Variants in RUNX1 observed in about 807,000 individuals in gnomAD.
RUNX1 encodes runt-related transcription factor 1.
Under a neutral mutation model 42.8 loss-of-function variants are expected in RUNX1, and 19 were observed. The observed-to-expected ratio is 0.44, with a 90% CI of 0.31 to 0.65. The LOEUF is 0.65. Ranked by LOEUF, RUNX1 falls within the 30% of genes least tolerant of loss-of-function variation. RUNX1 has a pLI of 0.07. For missense variants in RUNX1, 528 were observed against 672.0 expected, an observed-to-expected ratio of 0.79 and a Z score of 2.37; for synonymous variants, 271 against 289.4, an observed-to-expected ratio of 0.94 and a Z score of 0.64.
intron 6 of RUNX1, among the ~76,000 whole-genome samples, chr21:34,850,166 GC>G: frequency 6.6e-6 from 1 of 152,300 alleles, no homozygotes; most frequent in East Asian, 1.9e-4. Context: ...ATTTTAATGT[GC>G]TGGGATGCTG....
chr21:34,957,920 C>A (rs2058656320), intron 2 of RUNX1, among the ~76,000 whole-genome samples: 1 of 152,158 alleles, frequency 6.6e-6, no homozygotes, highest in African/African-American at 2.4e-5. Context: ...CAGTAGCCAA[C>A]CCTTTTGCCC....
intron 2 of RUNX1, among the ~76,000 whole-genome samples, chr21:35,042,909 G>C (rs2059369719): frequency 6.6e-6 from 1 of 152,166 alleles, no homozygotes; most frequent in Non-Finnish European, 1.5e-5. Context: ...TTCGGATTTA[G>C]TGTTTATTCC....
chr21:34,874,629 A>AAAAAAAC, intron 5 of RUNX1, among the ~76,000 whole-genome samples: 1 of 148,178 alleles, frequency 6.7e-6, no homozygotes. Flanking sequence ...AAAAAAAAAA[A>AAAAAAAC]AAAAAAGACA....
At chr21:34,911,558 C>T (rs1462344661) in intron 2 of RUNX1, among the ~76,000 whole-genome samples, 1 of 152,196 alleles carries the variant, frequency 6.6e-6, no homozygotes, top group African/African-American at 2.4e-5. Flanking sequence ...ATGTCTCCTC[C>T]CCACACTGCA....
chr21:34,816,877 C>T (rs144673382), intron 7 of RUNX1, among the ~76,000 whole-genome samples: 107 of 152,200 alleles, frequency 7.0e-4, no homozygotes, highest in African/African-American at 2.5e-3. Context: ...GAATGAGCTT[C>T]GGAAGAATGG....
At chr21:35,048,994 G>A in intron 1 of RUNX1, 36 bp from the exon 2 acceptor site, 1 of 1,005,266 alleles carries the variant, frequency 9.9e-7, no homozygotes. Context: ...CACTGTTTCA[G>A]CCTCACCCCT....
chr21:35,025,970 A>G (rs1316505252), intron 2 of RUNX1, among the ~76,000 whole-genome samples: 1 of 152,198 alleles, frequency 6.6e-6, no homozygotes, highest in Non-Finnish European at 1.5e-5. Context: ...GACAAGAAGA[A>G]TAATAAAAAA....
chr21:34,823,643 C>A (rs920092508), intron 7 of RUNX1, among the ~76,000 whole-genome samples: 18 of 152,114 alleles, frequency 1.2e-4, no homozygotes, highest in Admixed American at 1.2e-3. Context: ...GGGGTTTTGC[C>A]ATGTTGGCAG....
intron 7 of RUNX1, among the ~76,000 whole-genome samples, chr21:34,830,253 C>T (rs908769329): frequency 3.3e-4 from 50 of 152,102 alleles, no homozygotes; most frequent in Admixed American, 3.9e-4. Context: ...AAGGCAATGG[C>T]CCCAATAAAG....
intron 2 of RUNX1, among the ~76,000 whole-genome samples, chr21:34,940,284 T>G (rs1331922329): frequency 6.6e-6 from 1 of 152,204 alleles, no homozygotes; most frequent in East Asian, 1.9e-4. Context: ...AGCCTAGACT[T>G]CTTGGACCCT....
chr21:34,930,305 A>G (rs911104786), intron 2 of RUNX1, among the ~76,000 whole-genome samples: 2 of 136,622 alleles, frequency 1.5e-5, no homozygotes, highest in African/African-American at 6.2e-5. Context: ...TAAATAAATA[A>G]AATTTTACAA....
chr21:34,875,675 G>A (rs1403055432), intron 5 of RUNX1, among the ~76,000 whole-genome samples: 2 of 152,148 alleles, frequency 1.3e-5, no homozygotes, highest in Admixed American at 1.3e-4. Context: ...ATAGAATAGA[G>A]AAGGACTGGG....
intron 2 of RUNX1, among the ~76,000 whole-genome samples, chr21:35,033,404 A>G (rs577134733): frequency 6.6e-6 from 1 of 152,358 alleles, no homozygotes; most frequent in South Asian, 2.1e-4. Flanking sequence ...TGGTCATCAG[A>G]GTGTCAGCCT....
At chr21:34,944,395 T>A (rs762180067) in intron 2 of RUNX1, among the ~76,000 whole-genome samples, 1 of 152,214 alleles carries the variant, frequency 6.6e-6, no homozygotes, top group Non-Finnish European at 1.5e-5. Context: ...CTGGGTAAAG[T>A]TGTATAGATT....
intron 7 of RUNX1, among the ~76,000 whole-genome samples, chr21:34,823,567 C>T (rs1212595791): frequency 6.6e-6 from 1 of 151,230 alleles, no homozygotes; most frequent in African/African-American, 2.4e-5. Context: ...CCTCAGCCTC[C>T]CAAGTAGCTG....
intron 2 of RUNX1, among the ~76,000 whole-genome samples, chr21:35,004,474 T>A (rs565609404): frequency 1.3e-5 from 2 of 152,302 alleles, no homozygotes; most frequent in South Asian, 4.2e-4. Context: ...CAGCTCCCCA[T>A]CTGTGTTCCA....
At chr21:34,915,397 T>C (rs556494456) in intron 2 of RUNX1, among the ~76,000 whole-genome samples, 1 of 152,264 alleles carries the variant, frequency 6.6e-6, no homozygotes, top group East Asian at 1.9e-4. Context: ...ACTGATCTGG[T>C]CCTGCTGAGC....
chr21:34,848,172 TG>T (rs2057344138), intron 6 of RUNX1, among the ~76,000 whole-genome samples: 1 of 152,236 alleles, frequency 6.6e-6, no homozygotes, highest in African/African-American at 2.4e-5. Flanking sequence ...ATCATACTCC[TG>T]GTTTTATACC....
chr21:34,928,795 G>C (rs2058416893), intron 2 of RUNX1, among the ~76,000 whole-genome samples: 1 of 151,790 alleles, frequency 6.6e-6, no homozygotes, highest in Non-Finnish European at 1.5e-5. Context: ...AGTGTTTTTT[G>C]TTAAGCCCAC....
Sources: gnomAD v4.1 joint callset for allele counts (sites outside exome capture counted in the v4.1 genomes callset) on GRCh38, gnomAD v4.1.1 for gene constraint, MANE v1.5 for transcripts, NCBI Gene and HGNC (gene_info 2026-07-23, HGNC 2026-07-21) for gene names.